CTNND2: variants seen among roughly 807,000 people sequenced by gnomAD.
The protein encoded by CTNND2 is catenin delta-2.
CTNND2 carries 22 observed loss-of-function variants against 144.4 expected under a neutral mutation model. That is an observed-to-expected ratio of 0.15 (90% CI 0.11 to 0.22). The LOEUF is 0.22. CTNND2 is among the 10% of genes least tolerant of loss of function. The probability of loss-of-function intolerance (pLI) is 1.00; values close to 1 mark genes in which losing one functional copy is unlikely to be tolerated. For synonymous variants in CTNND2, 751 were observed against 695.6 expected (o/e 1.08, Z -1.25); for missense variants, 1,353 against 1,618.8 (o/e 0.84, Z 2.82).
At chr5:11,798,865 A>G (rs1791536863) in intron 1 of CTNND2, among the ~76,000 whole-genome samples, 1 of 152,188 alleles carries the variant, frequency 6.6e-6, no homozygotes, top group African/African-American at 2.4e-5. Context: ...TACTGTATAC[A>G]CTTTATGGGC....
intron 3 of CTNND2, among the ~76,000 whole-genome samples, chr5:11,461,334 G>A (rs953414971): frequency 6.6e-6 from 1 of 152,046 alleles, no homozygotes; most frequent in African/African-American, 2.4e-5. Context: ...AGTACAACTC[G>A]GTCCAAACCC....
At chr5:11,240,249 T>A (rs201876164) in intron 9 of CTNND2, among the ~76,000 whole-genome samples, 91 of 29,534 alleles carry the variant, frequency 3.1e-3, no homozygotes, top group Admixed American at 4.9e-3. Flanking sequence ...ACACACACAC[T>A]CACACACCCA....
At position 11,162,048 on chromosome 5, in the gene CTNND2, T is replaced by C. The variant is rs1490854784; in HGVS notation, c.1976-2289A>G. Among the ~76,000 whole-genome samples, 3 of 150,860 alleles carry C rather than the reference T, an allele frequency of 2.0e-5. No individual in the cohort carries two copies. In the East Asian group the frequency reaches 6.1e-4, roughly 31 times the overall value. ...GCTTATAATCCCAGCTACTTGGGAG[T>C]CTGGGGCAGGAGAATTGCTTGAACC... On this transcript the variant is annotated intron_variant, in intron 11 of 21. Transcript: ENST00000304623.
At chr5:11,132,968 G>A (rs1281205272) in intron 12 of CTNND2, among the ~76,000 whole-genome samples, 2 of 114,564 alleles carry the variant, frequency 1.7e-5, no homozygotes, top group Non-Finnish European at 3.8e-5. Context: ...TAGAAAATCC[G>A]GACTCCAGTT....
intron 17 of CTNND2, among the ~76,000 whole-genome samples, chr5:11,020,903 G>A (rs1742183160): frequency 6.6e-6 from 1 of 152,116 alleles, no homozygotes; most frequent in Admixed American, 6.5e-5. Flanking sequence ...AAGACAGAAT[G>A]AGCGCCTATT....
rs542164392 is a variant in CTNND2, at chr5:11,903,463, G to A, written c.37+354C>T. 3 of 732,414 alleles carry A rather than the reference G, an allele frequency of 4.1e-6. No individual in the cohort carries two copies. The highest frequency in any genetic ancestry group is 1.9e-5 in the African/African-American group (1 of 52,142). The allele number at this position is 732,414 out of a possible 1,614,324, so 45.4% of individuals were successfully genotyped here. On this transcript the variant is annotated intron_variant, in intron 1 of 21. Transcript: ENST00000304623. The surrounding 1 kb of genome is among the most constrained non-coding windows in gnomAD (Gnocchi z 5.4). ...CCGTCTCCTCCCGTATATTAGGGAC[G>A]TCATGAATGCACCGAGTATGTTCTC...
chr5:11,484,867 AC>A (rs2149982269), intron 3 of CTNND2, among the ~76,000 whole-genome samples: 1 of 152,350 alleles, frequency 6.6e-6, no homozygotes, highest in South Asian at 2.1e-4. Flanking sequence ...GGCAATCTTG[AC>A]CGTCATGAAG....
chr5:11,809,376 T>C (rs1792187861), intron 1 of CTNND2, among the ~76,000 whole-genome samples: 1 of 152,204 alleles, frequency 6.6e-6, no homozygotes, highest in South Asian at 2.1e-4. Flanking sequence ...AATACATTGG[T>C]GGGATTCTAA....
chr5:11,183,422 T>C (rs1039560117), intron 11 of CTNND2, among the ~76,000 whole-genome samples: 1 of 152,136 alleles, frequency 6.6e-6, no homozygotes, highest in Non-Finnish European at 1.5e-5. Flanking sequence ...GCATAAGTGA[T>C]TACACAGATC....
intron 1 of CTNND2, among the ~76,000 whole-genome samples, chr5:11,769,064 G>T (rs904702782): frequency 6.6e-6 from 1 of 152,128 alleles, no homozygotes; most frequent in Admixed American, 6.5e-5. Flanking sequence ...ACTTCAATAT[G>T]CATCCGAATC....
At chr5:11,107,249 C>A (rs1752514035) in intron 14 of CTNND2, among the ~76,000 whole-genome samples, 1 of 152,128 alleles carries the variant, frequency 6.6e-6, no homozygotes, top group Non-Finnish European at 1.5e-5. Flanking sequence ...TACATGTTAA[C>A]TATGTAAATG....
intron 5 of CTNND2, among the ~76,000 whole-genome samples, chr5:11,409,196 GTA>G (rs1438273837): frequency 6.6e-6 from 1 of 151,866 alleles, no homozygotes; most frequent in African/African-American, 2.4e-5. Flanking sequence ...ATATCCAGAA[GTA>G]TGTTTCTTAG....
At chr5:11,171,634 A>G (rs1759923946) in intron 11 of CTNND2, among the ~76,000 whole-genome samples, 1 of 152,188 alleles carries the variant, frequency 6.6e-6, no homozygotes, top group Admixed American at 6.5e-5. Context: ...CCACTTGGGG[A>G]GACCAAATTA....
At chr5:11,044,276 G>A (rs1199624061) in intron 16 of CTNND2, among the ~76,000 whole-genome samples, 2 of 152,120 alleles carry the variant, frequency 1.3e-5, no homozygotes, top group African/African-American at 2.4e-5. Flanking sequence ...TCTGACAGAC[G>A]ACAGGGAGGT....
intron 16 of CTNND2, 143 bp downstream of exon 16, chr5:11,082,553 A>C (rs1749686989): frequency 3.3e-6 from 3 of 895,620 alleles, no homozygotes; most frequent in Non-Finnish European, 5.0e-6. Flanking sequence ...TTAAATCAGA[A>C]GGACAGCAGA....
At chr5:11,587,917 ATTTT>A (rs568528646) in intron 2 of CTNND2, among the ~76,000 whole-genome samples, 5 of 147,380 alleles carry the variant, frequency 3.4e-5, no homozygotes, top group Middle Eastern at 3.6e-3. Context: ...GGGTATCACA[ATTTT>A]TTTTTTTTAA....
At chr5:11,552,989 G>A (rs1015493880) in intron 3 of CTNND2, among the ~76,000 whole-genome samples, 8 of 152,126 alleles carry the variant, frequency 5.3e-5, no homozygotes, top group Non-Finnish European at 7.3e-5. Flanking sequence ...TCTACTCCTC[G>A]TCATATTTAT....
chr5:11,885,913 G>A (rs1260094582), intron 1 of CTNND2, among the ~76,000 whole-genome samples: 1 of 151,996 alleles, frequency 6.6e-6, no homozygotes, highest in Non-Finnish European at 1.5e-5. Flanking sequence ...AAGCAACACG[G>A]TTCTGAACAA....
chr5:11,254,957 T>C (rs1279476751), intron 9 of CTNND2, among the ~76,000 whole-genome samples: 2 of 152,202 alleles, frequency 1.3e-5, no homozygotes, highest in Admixed American at 1.3e-4. Flanking sequence ...TTTCTCTGAA[T>C]AGGACCAAGG....
Sources: gnomAD v4.1 joint callset for allele counts (sites outside exome capture counted in the v4.1 genomes callset) on GRCh38, gnomAD v4.1.1 for gene constraint, Gnocchi (gnomAD v3.1) non-coding constraint, MANE v1.5 for transcripts, NCBI Gene and HGNC (gene_info 2026-07-23, HGNC 2026-07-21) for gene names.